The following CDH2 variants were observed in gnomAD, a reference collection of about 807,000 sequenced individuals.
CDH2 encodes cadherin 2, also known as cadherin-2.
A neutral mutation model predicts 92.0 loss-of-function variants in CDH2; 17 were observed. The ratio of observed to expected loss-of-function variants is 0.18; its 90% CI spans 0.13 to 0.28. CDH2 has a LOEUF of 0.28. Ranked by LOEUF, CDH2 falls within the 10% of genes least tolerant of loss-of-function variation. CDH2 has a pLI of 1.00. For missense variants in CDH2, 862 were observed against 1,133.1 expected (o/e 0.76, Z 3.44); for synonymous variants, 419 against 415.9 (o/e 1.01, Z -0.09).
intron 1 of CDH2, among the ~76,000 whole-genome samples, chr18:28,175,599 C>A (rs1424122903): frequency 6.6e-6 from 1 of 152,166 alleles, no homozygotes; most frequent in Non-Finnish European, 1.5e-5. Context: ...CCCCGTCCAG[C>A]CCCTGCCCCC....
At chr18:27,947,254 C>T (rs1909290468), downstream of CDH2, among the ~76,000 whole-genome samples, 1 of 151,414 alleles carries the variant, frequency 6.6e-6, no homozygotes, top group African/African-American at 2.4e-5. Flanking sequence ...AGTAAAGTAT[C>T]ACTAGAAAAA....
intron 15 of CDH2, among the ~76,000 whole-genome samples, chr18:27,957,587 G>C (rs1348969442): frequency 6.6e-6 from 1 of 152,000 alleles, no homozygotes; most frequent in Non-Finnish European, 1.5e-5. Flanking sequence ...GATGACACTA[G>C]ATTGTGACAT....
intron 1 of CDH2, among the ~76,000 whole-genome samples, chr18:28,152,684 G>T (rs1358377018): frequency 6.6e-6 from 1 of 152,220 alleles, no homozygotes; most frequent in African/African-American, 2.4e-5. Flanking sequence ...TGGGGGCCTG[G>T]GGTTATCCTG....
At chr18:28,066,997 A>G (rs1191161032) in intron 2 of CDH2, among the ~76,000 whole-genome samples, 1 of 152,198 alleles carries the variant, frequency 6.6e-6, no homozygotes, top group African/African-American at 2.4e-5. Flanking sequence ...ACAAAACTTC[A>G]TAACGTACAG....
chr18:28,099,142 T>A (rs1450712948), intron 2 of CDH2, among the ~76,000 whole-genome samples: 9 of 152,192 alleles, frequency 5.9e-5, no homozygotes, highest in Non-Finnish European at 1.3e-4. Flanking sequence ...CCTATTCTAA[T>A]TATCTACTGC....
chr18:27,990,462 A>G (rs538281217), intron 9 of CDH2, 112 bp from the exon 10 acceptor site: 1 of 948,202 alleles, frequency 1.1e-6, no homozygotes, highest in Non-Finnish European at 1.5e-6. Flanking sequence ...CATTCACTAC[A>G]TAACAAGGTT....
chr18:28,161,181 A>G (rs2016301219), intron 1 of CDH2, among the ~76,000 whole-genome samples: 1 of 152,164 alleles, frequency 6.6e-6, no homozygotes, highest in Non-Finnish European at 1.5e-5. Context: ...ACTGAGAAAC[A>G]ATTTCACCTG....
intron 2 of CDH2, among the ~76,000 whole-genome samples, chr18:28,022,738 C>G (rs916770790): frequency 1.3e-5 from 2 of 152,088 alleles, no homozygotes; most frequent in African/African-American, 2.4e-5. Flanking sequence ...GAGTTTCAAA[C>G]ATTCACAGGG....
intron 2 of CDH2, among the ~76,000 whole-genome samples, chr18:28,019,289 T>C (rs748075749): frequency 2.7e-5 from 4 of 149,862 alleles, no homozygotes; most frequent in East Asian, 3.9e-4. Context: ...CAAAAACCTA[T>C]TGTAATTTTT....
intron 4 of CDH2, 96 bp downstream of exon 4, chr18:28,011,750 T>G: frequency 8.6e-7 from 1 of 1,157,694 alleles, no homozygotes; most frequent in Non-Finnish European, 1.3e-6. Flanking sequence ...AGTATATACA[T>G]GTCATAAATT....
chr18:28,166,973 G>A (rs1264381906), intron 1 of CDH2, among the ~76,000 whole-genome samples: 1 of 152,022 alleles, frequency 6.6e-6, no homozygotes, highest in Non-Finnish European at 1.5e-5. Flanking sequence ...AAGGTAAATG[G>A]TACCCGGATA....
At chr18:27,997,631 C>T (rs1004277450) in intron 7 of CDH2, among the ~76,000 whole-genome samples, 5 of 152,082 alleles carry the variant, frequency 3.3e-5, no homozygotes, top group Non-Finnish European at 5.9e-5. Context: ...GGCAATTAAA[C>T]GATGACCTTG....
intron 2 of CDH2, among the ~76,000 whole-genome samples, chr18:28,028,060 C>A (rs559538621): frequency 6.6e-6 from 1 of 151,956 alleles, no homozygotes; most frequent in East Asian, 1.9e-4. Flanking sequence ...ATTTTTAAAA[C>A]AGGTTTTTGT....
chr18:27,985,103 C>T lies in CDH2; in HGVS notation c.2106G>A (p.Gln702=), dbSNP rs2012184128. ...NISILRVKVC[Q]CDSNGDCTDV... is the part of the protein sequence containing the mutation. ...CTGTGCAGTCCCCGTTGGAGTCACA[C>T]TGGCAAACCTTCACACGCAGGATGG... Residue 702 remains glutamine (Q), a synonymous_variant, in exon 13 of 16, where the codon CAG becomes CAA. Coordinates refer to ENST00000269141, the MANE Select transcript of CDH2 (RefSeq NM_001792.5). The T allele has an allele frequency of 6.2e-7, 1 of 1,614,160 alleles. No individual in the cohort carries two copies. The highest frequency in any genetic ancestry group is 8.5e-7 in the Non-Finnish European group (1 of 1,179,992).
At chr18:27,938,454 A>C (rs12605475) in intron 6 of CDH2, among the ~76,000 whole-genome samples, 10,931 of 152,182 alleles carry the variant, frequency 0.072, 922 homozygotes, top group East Asian at 0.4. Context: ...TGTGAATTAT[A>C]ATAGATAATT....
chr18:28,085,248 C>A (rs1363916377), intron 2 of CDH2, among the ~76,000 whole-genome samples: 1 of 152,052 alleles, frequency 6.6e-6, no homozygotes, highest in African/African-American at 2.4e-5. Context: ...TCTTAGTGTT[C>A]GCAGCTCTAC....
At chr18:28,006,216 A>G (rs955555554) in intron 5 of CDH2, among the ~76,000 whole-genome samples, 1 of 152,206 alleles carries the variant, frequency 6.6e-6, no homozygotes, top group Non-Finnish European at 1.5e-5. Flanking sequence ...CTCAGAGCAC[A>G]ATGGATTTTA....
intron 2 of CDH2, among the ~76,000 whole-genome samples, chr18:28,085,220 C>T (rs1324955862): frequency 1.3e-5 from 2 of 152,036 alleles, no homozygotes; most frequent in African/African-American, 4.8e-5. Context: ...TGGGTCATTC[C>T]TCCCGCCACC....
intron 14 of CDH2, among the ~76,000 whole-genome samples, chr18:27,978,584 T>C (rs746516243): frequency 2.1e-5 from 3 of 145,930 alleles, no homozygotes; most frequent in Admixed American, 1.4e-4. Flanking sequence ...TAAAACAATA[T>C]AGCTTCAAGA....
Sources: gnomAD v4.1 joint callset for allele counts (sites outside exome capture counted in the v4.1 genomes callset) on GRCh38, gnomAD v4.1.1 for gene constraint, MANE v1.5 for transcripts, NCBI Gene and HGNC (gene_info 2026-07-23, HGNC 2026-07-21) for gene names.